The following ZNF804B variants were observed in gnomAD, a reference collection of about 807,000 sequenced individuals.
The protein encoded by ZNF804B is zinc finger 804B.
ZNF804B carries 80 observed loss-of-function variants against 101.4 expected under a neutral mutation model. The ratio of observed to expected loss-of-function variants is 0.79; its 90% confidence interval spans 0.66 to 0.95. The LOEUF is 0.95. Ranked by LOEUF, ZNF804B falls within the 40% of genes least tolerant of loss-of-function variation. The pLI, the probability that ZNF804B is intolerant of heterozygous loss-of-function variation, is 0.00. For synonymous variants in ZNF804B, 622 were observed against 558.8 expected (o/e 1.11, Z -1.59); for missense variants, 1,673 against 1,561.9 (o/e 1.07, Z -1.20).
intron 1 of ZNF804B, among the ~76,000 whole-genome samples, chr7:89,201,627 T>C (rs1024299379): frequency 1.3e-5 from 2 of 151,960 alleles, no homozygotes; most frequent in Admixed American, 6.6e-5. Context: ...TGGTCAGAAA[T>C]AGTGACCAGC....
At chr7:89,052,326 C>T (rs890518969) in intron 1 of ZNF804B, among the ~76,000 whole-genome samples, 1 of 151,830 alleles carries the variant, frequency 6.6e-6, no homozygotes, top group African/African-American at 2.4e-5. Context: ...TGTTTACCAT[C>T]AGTTTTATAA....
chr7:88,858,295 C>T (rs1791600972), intron 1 of ZNF804B, among the ~76,000 whole-genome samples: 1 of 152,060 alleles, frequency 6.6e-6, no homozygotes, highest in African/African-American at 2.4e-5. Context: ...AACATAAAGC[C>T]TCTTGTAGCA....
chr7:89,140,691 T>C (rs911934933), intron 1 of ZNF804B, among the ~76,000 whole-genome samples: 1 of 152,130 alleles, frequency 6.6e-6, no homozygotes, highest in African/African-American at 2.4e-5. Flanking sequence ...AGTTATGGCC[T>C]TGCTCTAGAT....
Position 89,102,080 on chromosome 7 carries a change from T to C in ZNF804B, c.109-116075T>C, listed in dbSNP as rs758500946. On this transcript the variant is annotated intron_variant, in intron 1 of 3. Coordinates refer to ENST00000333190, the MANE Select transcript of ZNF804B (RefSeq NM_181646.5). ...CACATTTTTTTAATCCAATCAACCA[T>C]TGGGGACACAGGTTGATTCCATGAC... is the stretch of plus-strand genomic sequence containing the variant. 1.7e-4 allele frequency among the ~76,000 whole-genome samples: 26 copies of C among 152,076 alleles called. 1 individual carries two copies. The highest frequency in any genetic ancestry group is 6.8e-3 in the Middle Eastern group (2 of 294).
At chr7:89,187,437 A>G (rs955399608) in intron 1 of ZNF804B, among the ~76,000 whole-genome samples, 4 of 152,216 alleles carry the variant, frequency 2.6e-5, no homozygotes, top group Non-Finnish European at 5.9e-5. Context: ...CAAACCATGC[A>G]GAAAACCAAA....
intron 1 of ZNF804B, among the ~76,000 whole-genome samples, chr7:88,974,896 A>G (rs1338389368): frequency 6.6e-6 from 1 of 151,268 alleles, no homozygotes; most frequent in African/African-American, 2.4e-5. Flanking sequence ...TCTTTCTAAC[A>G]ATATTTCTGT....
Position 89,334,127 on chromosome 7 carries a change from A to G in ZNF804B, c.1145A>G (p.Glu382Gly). 1 of 1,613,706 alleles carries G rather than the reference A, an allele frequency of 6.2e-7. No individual in the cohort carries two copies. The highest frequency in any genetic ancestry group is 1.1e-5 in the South Asian group (1 of 91,076). ...AACCATAGTGATGCCAGGATATCTG[A>G]ATGCCTGGATGAGTTTTCATCACTG... Reference protein sequence around the residue: ...IYNHSDARISECLDEFSSLEP... With the variant: ...IYNHSDARISGCLDEFSSLEP... The change falls in exon 4 of 4, where the codon GAA (glutamate) becomes GGA (glycine). Residue 382 changes from glutamate to glycine, a missense_variant. Physicochemically the swap from Glu to Gly is moderately conservative, Grantham distance 98. Transcript: ENST00000333190.
In ZNF804B at chr7:88,969,878, C is replaced by T. The variant is rs138048344; in HGVS notation, c.108+209794C>T. 4.2e-4 allele frequency among the ~76,000 whole-genome samples: 63 copies of T among 151,470 alleles called. No homozygotes were observed. In the East Asian group the frequency reaches 9.6e-3, roughly 23 times the overall value. The stretch of plus-strand genomic sequence containing the variant: ...AATATTAGGGGTTTAAAAATTGTTT[C>T]GCTTAGTATTGTAATATAACATATA... On this transcript the variant is annotated intron_variant, in intron 1 of 3. Transcript: ENST00000333190.
At chr7:89,019,153 G>C (rs1323292261) in intron 1 of ZNF804B, among the ~76,000 whole-genome samples, 1 of 151,952 alleles carries the variant, frequency 6.6e-6, no homozygotes, top group African/African-American at 2.4e-5. Flanking sequence ...TGCTTTTGCT[G>C]CATCCCATAA....
chr7:88,901,927 G>A lies in ZNF804B; in HGVS notation c.108+141843G>A, dbSNP rs1792397312. 4.6e-5 allele frequency among the ~76,000 whole-genome samples: 7 copies of A among 151,434 alleles called. No homozygotes were observed. In the South Asian group the frequency reaches 1.5e-3, roughly 31 times the overall value. ...ACTAAAACCTAAAATAACTTATTTTGAGCCTATGTCCTTATTACAATTCTA... is the reference window on the plus strand; with the variant it reads ...ACTAAAACCTAAAATAACTTATTTTAAGCCTATGTCCTTATTACAATTCTA... On this transcript the variant is annotated intron_variant, in intron 1 of 3. Coordinates refer to ENST00000333190, the MANE Select transcript of ZNF804B (RefSeq NM_181646.5).
At chr7:89,167,493 C>A (rs555102556) in intron 1 of ZNF804B, among the ~76,000 whole-genome samples, 7 of 134,066 alleles carry the variant, frequency 5.2e-5, no homozygotes, top group African/African-American at 1.8e-4. Flanking sequence ...AGTGAACTCT[C>A]GCAGTTCAAA....
intron 1 of ZNF804B, among the ~76,000 whole-genome samples, chr7:88,802,861 T>G (rs981771951): frequency 2.6e-5 from 4 of 152,122 alleles, no homozygotes; most frequent in African/African-American, 4.8e-5. Context: ...ATTTTTCACA[T>G]ATGCAGGCAA....
chr7:88,800,069 T>C (rs1379222280), intron 1 of ZNF804B, among the ~76,000 whole-genome samples: 2 of 152,130 alleles, frequency 1.3e-5, no homozygotes, highest in Non-Finnish European at 2.9e-5. Context: ...AATCATTTCC[T>C]TTCACTTTAT....
At chr7:88,909,198 A>G (rs1792514372) in intron 1 of ZNF804B, among the ~76,000 whole-genome samples, 1 of 151,910 alleles carries the variant, frequency 6.6e-6, no homozygotes, top group Admixed American at 6.6e-5. Context: ...CTTCAGTTGT[A>G]GTTTTTGCTT....
intron 3 of ZNF804B, among the ~76,000 whole-genome samples, chr7:89,330,212 CA>C (rs1161455293): frequency 6.6e-6 from 1 of 151,604 alleles, no homozygotes; most frequent in Admixed American, 6.6e-5. Context: ...ACTGTGGTTT[CA>C]AGGGGCGGGC....
intron 1 of ZNF804B, among the ~76,000 whole-genome samples, chr7:89,010,320 A>T (rs1788436720): frequency 6.6e-6 from 1 of 152,172 alleles, no homozygotes; most frequent in Non-Finnish European, 1.5e-5. Context: ...TTTCTAGGAT[A>T]CTTCTTCATT....
intron 1 of ZNF804B, among the ~76,000 whole-genome samples, chr7:89,132,437 G>A (rs982202240): frequency 1.3e-5 from 2 of 151,948 alleles, no homozygotes; most frequent in Admixed American, 1.3e-4. Context: ...CAGGTCCAAT[G>A]GAGGAAATGA....
intron 1 of ZNF804B, among the ~76,000 whole-genome samples, chr7:88,870,885 G>T (rs1791812363): frequency 6.6e-6 from 1 of 152,040 alleles, no homozygotes; most frequent in Non-Finnish European, 1.5e-5. Flanking sequence ...CACTTTTTCT[G>T]TCTGTATTAT....
chr7:88,984,147 C>T (rs1793728701), intron 1 of ZNF804B, among the ~76,000 whole-genome samples: 1 of 152,058 alleles, frequency 6.6e-6, no homozygotes, highest in Non-Finnish European at 1.5e-5. Context: ...ACCATGCAGC[C>T]TTCACTCTAG....
Sources: gnomAD v4.1 joint callset for allele counts (sites outside exome capture counted in the v4.1 genomes callset) on GRCh38, gnomAD v4.1.1 for gene constraint, MANE v1.5 for transcripts, NCBI Gene and HGNC (gene_info 2026-07-23, HGNC 2026-07-21) for gene names.